The following ZFAND6 variants were observed in gnomAD, a reference collection of about 807,000 sequenced individuals.
ZFAND6 encodes AN1-type zinc finger protein 6.
A neutral mutation model predicts 24.5 loss-of-function variants in ZFAND6; 12 were observed. The observed-to-expected ratio is 0.49, with a 90% CI of 0.31 to 0.79. The LOEUF (loss-of-function observed/expected upper bound fraction) is 0.79. Ranked by LOEUF, ZFAND6 falls within the 30% of genes least tolerant of loss-of-function variation. ZFAND6 has a pLI of 0.04. For synonymous variants in ZFAND6, 92 were observed against 81.5 expected (o/e 1.13, Z -0.69); for missense variants, 207 against 245.9 (o/e 0.84, Z 1.06).
intron 1 of ZFAND6, among the ~76,000 whole-genome samples, chr15:80,093,456 G>T (rs1040766610): frequency 6.6e-6 from 1 of 151,856 alleles, no homozygotes; most frequent in Admixed American, 6.6e-5. Context: ...GGCTGGGCGC[G>T]GTGGCTCACG....
At chr15:80,125,902 A>G (rs1249694140) in intron 5 of ZFAND6, among the ~76,000 whole-genome samples, 3 of 152,324 alleles carry the variant, frequency 2.0e-5, no homozygotes, top group Middle Eastern at 3.4e-3. Flanking sequence ...CTTACAGGGT[A>G]TTAAAAGATA....
At chr15:80,134,166 CT>C (rs1419437256) in intron 6 of ZFAND6, among the ~76,000 whole-genome samples, 1 of 152,048 alleles carries the variant, frequency 6.6e-6, no homozygotes. Flanking sequence ...TTCTTTGTAT[CT>C]TTAGTAGAGA....
chr15:80,076,808 C>T (rs908370577), intron 1 of ZFAND6, among the ~76,000 whole-genome samples: 1 of 152,034 alleles, frequency 6.6e-6, no homozygotes, highest in Non-Finnish European at 1.5e-5. Flanking sequence ...CACATCATTC[C>T]ACTTCACTCT....
At chr15:80,083,773 C>G (rs2037825659) in intron 1 of ZFAND6, among the ~76,000 whole-genome samples, 1 of 152,086 alleles carries the variant, frequency 6.6e-6, no homozygotes, top group Non-Finnish European at 1.5e-5. Context: ...CATCTGTAAT[C>G]CCAGCTACTC....
intron 5 of ZFAND6, among the ~76,000 whole-genome samples, chr15:80,127,611 A>C (rs2040425602): frequency 6.6e-6 from 1 of 151,490 alleles, no homozygotes; most frequent in African/African-American, 2.4e-5. Flanking sequence ...AAAAAAAAAA[A>C]AAAACCATGC....
intron 1 of ZFAND6, among the ~76,000 whole-genome samples, chr15:80,076,869 G>A (rs1465325357): frequency 1.3e-5 from 2 of 151,570 alleles, no homozygotes; most frequent in Non-Finnish European, 2.9e-5. Context: ...GTGAAAACTT[G>A]CTGCCTGTCT....
At chr15:80,122,643 T>C (rs2040196930) in intron 4 of ZFAND6, 57 bp from the exon 5 acceptor site, 1 of 1,071,124 alleles carries the variant, frequency 9.3e-7, no homozygotes, top group East Asian at 2.4e-5. Flanking sequence ...TGTGTCACAT[T>C]AGTTAATATT....
intron 1 of ZFAND6, among the ~76,000 whole-genome samples, chr15:80,091,160 G>GTTGTGTGT (rs1555430411): frequency 1.3e-5 from 2 of 150,166 alleles, no homozygotes; most frequent in African/African-American, 2.4e-5. Flanking sequence ...GTTGTTAAGG[G>GTTGTGTGT]GTGTGTGTGT....
intron 2 of ZFAND6, among the ~76,000 whole-genome samples, chr15:80,113,385 G>A (rs926083290): frequency 1.3e-5 from 2 of 152,140 alleles, no homozygotes; most frequent in Admixed American, 6.5e-5. Context: ...AATAGGTACT[G>A]GCCAATCAAA....
intron 1 of ZFAND6, among the ~76,000 whole-genome samples, chr15:80,064,231 T>TA (rs1229437915): frequency 6.6e-6 from 1 of 152,244 alleles, no homozygotes; most frequent in African/African-American, 2.4e-5. Context: ...GAACATTTCT[T>TA]AAAGTCTTTT....
At chr15:80,062,899 C>A (rs549900822) in intron 1 of ZFAND6, among the ~76,000 whole-genome samples, 16 of 152,276 alleles carry the variant, frequency 1.1e-4, no homozygotes, top group Middle Eastern at 3.4e-3. Context: ...ACACTCTCAG[C>A]CTGGCTCTTT....
chr15:80,116,444 C>G (rs1367502382), intron 2 of ZFAND6, among the ~76,000 whole-genome samples: 2 of 152,088 alleles, frequency 1.3e-5, no homozygotes, highest in Admixed American at 6.5e-5. Flanking sequence ...AACCACTTTC[C>G]TCTCCCCCAC....
At chr15:80,086,300 A>C (rs1195758216) in intron 1 of ZFAND6, among the ~76,000 whole-genome samples, 2 of 152,262 alleles carry the variant, frequency 1.3e-5, no homozygotes, top group African/African-American at 2.4e-5. Flanking sequence ...AGCCTCCCAA[A>C]GTACTGGGAT....
intron 2 of ZFAND6, among the ~76,000 whole-genome samples, chr15:80,107,723 G>A (rs1174200978): frequency 6.6e-6 from 1 of 152,128 alleles, no homozygotes; most frequent in Non-Finnish European, 1.5e-5. Context: ...GGAGGCTGAA[G>A]CAGGGGAATC....
chr15:80,109,342 T>A (rs559496698), intron 2 of ZFAND6, among the ~76,000 whole-genome samples: 41 of 152,136 alleles, frequency 2.7e-4, no homozygotes, highest in African/African-American at 8.9e-4. Context: ...TAATAGTAAA[T>A]TAAGATTAGG....
chr15:80,122,980 C>T (rs2040213408), intron 5 of ZFAND6, 180 bp downstream of exon 5: 1 of 507,424 alleles, frequency 2.0e-6, no homozygotes, highest in African/African-American at 1.9e-5. Context: ...TTCACACTTA[C>T]ATGTAATTTT....
Position 80,117,840 on chromosome 15 carries a change from AT to A in ZFAND6, c.-17-2481del, listed in dbSNP as rs34077311. On this transcript the variant is annotated intron_variant, in intron 2 of 6. Coordinates refer to ENST00000261749, the MANE Select transcript of ZFAND6 (RefSeq NM_019006.4). Reference sequence around the variant, plus strand: ...TTGGCCCCTTGATAAGGCTTCATCTATTTTTTTCCCCCACAATTGCTATAGC... The same window carrying A: ...TTGGCCCCTTGATAAGGCTTCATCTATTTTTTCCCCCACAATTGCTATAGC... Among the ~76,000 whole-genome samples the A allele has an allele frequency of 8.5e-4, 129 of 151,880 alleles. 2 individuals carry two copies. The highest frequency in any genetic ancestry group is 3.0e-3 in the African/African-American group (126 of 41,384).
chr15:80,111,479 C>T (rs1000955033), intron 2 of ZFAND6: 8 of 455,224 alleles, frequency 1.8e-5, no homozygotes, highest in Admixed American at 1.2e-4. Context: ...GTGGAGTCGC[C>T]GGTAGCCACC....
At chr15:80,100,845 C>G (rs1388156373) in intron 2 of ZFAND6, among the ~76,000 whole-genome samples, 1 of 152,128 alleles carries the variant, frequency 6.6e-6, no homozygotes, top group East Asian at 1.9e-4. Flanking sequence ...GAGTTCAGAT[C>G]CTAGCTGTCC....
Sources: gnomAD v4.1 joint callset for allele counts (sites outside exome capture counted in the v4.1 genomes callset) on GRCh38, gnomAD v4.1.1 for gene constraint, MANE v1.5 for transcripts, NCBI Gene and HGNC (gene_info 2026-07-23, HGNC 2026-07-21) for gene names.